Variants in CNIH1 observed in about 807,000 individuals in gnomAD.
CNIH1 encodes the protein cornichon family member 1.
CNIH1 carries 12 observed loss-of-function variants against 20.2 expected under a neutral mutation model. That is an observed-to-expected ratio of 0.59 (90% confidence interval 0.38 to 0.96). The LOEUF is 0.96. Among genes scored for constraint, CNIH1 ranks in the 40% least tolerant of loss-of-function variants. CNIH1 has a pLI of 0.00. For missense variants in CNIH1, 152 were observed against 178.8 expected, an observed-to-expected ratio of 0.85 and a Z score of 0.85; for synonymous variants, 69 against 63.3, an observed-to-expected ratio of 1.09 and a Z score of -0.43.
At chr14:54,430,142 T>C in intron 4 of CNIH1, 119 bp downstream of exon 4, 2 of 1,074,794 alleles carry the variant, frequency 1.9e-6, no homozygotes, top group Admixed American at 4.3e-5. Flanking sequence ...GTGTGCACCA[T>C]GCACACTTAA....
intron 2 of CNIH1, among the ~76,000 whole-genome samples, chr14:54,433,739 T>A (rs936257034): frequency 1.3e-5 from 2 of 152,126 alleles, no homozygotes; most frequent in Non-Finnish European, 2.9e-5. Flanking sequence ...AAACAAATCC[T>A]CATGCAAGGT....
chr14:54,437,791 T>C (rs2031084514), intron 1 of CNIH1, among the ~76,000 whole-genome samples: 1 of 152,222 alleles, frequency 6.6e-6, no homozygotes, highest in African/African-American at 2.4e-5. Context: ...TGATTACTTA[T>C]GGACGTTATT....
intron 1 of CNIH1, among the ~76,000 whole-genome samples, chr14:54,440,887 C>G (rs1029489500): frequency 2.6e-5 from 4 of 152,224 alleles, no homozygotes; most frequent in African/African-American, 9.6e-5. Flanking sequence ...TACGGCCGTC[C>G]CACCGCGCTG....
chr14:54,426,550 A>G lies in CNIH1; in HGVS notation c.*1264T>C, dbSNP rs899842589. ...TAAAGCACAAGATTTATTTATGCTT[A>G]TGAAAACATGCAAGCCATAATTTAC... is the stretch of plus-strand genomic sequence containing the variant. On this transcript the variant is annotated 3_prime_UTR_variant, in exon 5 of 5. Transcript: ENST00000216416. 2.0e-5 allele frequency: 3 copies of G among 152,200 alleles called. No homozygotes were observed. The highest frequency in any genetic ancestry group is 4.4e-5 in the Non-Finnish European group (3 of 68,012). 9.4% of individuals were successfully genotyped at this position (152,200 alleles called of 1,614,324 possible).
Position 54,425,269 on chromosome 14 carries a change from A to G in CNIH1, c.*2545T>C, listed in dbSNP as rs2030803558. The G allele has an allele frequency of 2.6e-5, 4 of 152,206 alleles. No individual in the cohort carries two copies. Among genetic ancestry groups the G allele is most frequent in the Admixed American group, 2.6e-4 (4 of 15,280 alleles). The allele number at this position is 152,206 out of a possible 1,614,324, so 9.4% of individuals were successfully genotyped here. A position where few individuals can be genotyped will look rare whatever the true frequency, so the allele number is the denominator to read the frequency against. The stretch of plus-strand genomic sequence containing the variant: ...ACAAAAAGTTGTTGGTATAGATATA[A>G]CCACAGTGTTACACAAGATGCAATA... On this transcript the variant is annotated 3_prime_UTR_variant, in exon 5 of 5. Transcript: ENST00000216416.
At chr14:54,436,186 C>A in intron 2 of CNIH1, 183 bp downstream of exon 2, 1 of 706,714 alleles carries the variant, frequency 1.4e-6, no homozygotes, top group Non-Finnish European at 2.6e-6. Flanking sequence ...CTGACAAGAT[C>A]ACCAGCAGAT....
intron 1 of CNIH1, among the ~76,000 whole-genome samples, chr14:54,438,118 T>C (rs1288877530): frequency 6.6e-6 from 1 of 152,064 alleles, no homozygotes; most frequent in South Asian, 2.1e-4. Context: ...TAGCTGGGAC[T>C]ACAGGTGCAT....
intron 4 of CNIH1, chr14:54,430,052 C>A: frequency 1.9e-6 from 1 of 537,714 alleles, no homozygotes; most frequent in Non-Finnish European, 3.3e-6. Flanking sequence ...CTGACCAAAC[C>A]TTCTGCCTCT....
At chr14:54,434,573 A>T (rs1367266088) in intron 2 of CNIH1, among the ~76,000 whole-genome samples, 1 of 152,210 alleles carries the variant, frequency 6.6e-6, no homozygotes, top group Non-Finnish European at 1.5e-5. Context: ...CAGGATTGTC[A>T]TGAGAATTAA....
chr14:54,441,228 C>T lies in CNIH1; in HGVS notation c.81+19G>A, dbSNP rs184957203. On this transcript the variant is annotated intron_variant, in intron 1 of 4. Transcript: ENST00000216416. ...TGTGTTGCCGCCTCGCCCTCCTTTC[C>T]CCAGCCCCAGCTACTCACGTGCCAA... is the stretch of plus-strand genomic sequence containing the variant. 2.3e-5 allele frequency: 34 copies of T among 1,501,558 alleles called. No homozygotes were observed. The highest frequency in any genetic ancestry group is 2.7e-5 in the Non-Finnish European group (30 of 1,122,832). The allele number at this position is 1,501,558 out of a possible 1,614,324, so 93.0% of individuals were successfully genotyped here.
At position 54,427,003 on chromosome 14, in the gene CNIH1, G is replaced by C. The variant is rs972825176; in HGVS notation, c.*811C>G. The C allele has an allele frequency of 3.9e-5, 6 of 152,098 alleles. No individual in the cohort carries two copies. The highest frequency in any genetic ancestry group is 6.5e-5 in the Admixed American group (1 of 15,274). 9.4% of individuals were successfully genotyped at this position (152,098 alleles called of 1,614,324 possible). ...TGGTTATACAATTTTCTCTCATTCAGTTTTGAAAATCTGTAGTACCTGCAA... is the reference window on the plus strand; with the variant it reads ...TGGTTATACAATTTTCTCTCATTCACTTTTGAAAATCTGTAGTACCTGCAA... On this transcript the variant is annotated 3_prime_UTR_variant, in exon 5 of 5. Transcript: ENST00000216416.
rs1167044478 is a variant in CNIH1 at position 54,441,341 on chromosome 14, GA to G, written c.-15del. On this transcript the variant is annotated 5_prime_UTR_variant, in exon 1 of 5. Transcript: ENST00000216416. ...CGTGAACGCCATGGCTGGGGAGGAG[GA>G]GCGGGGAGCGGCGCCGTTGCCAGCG... is the stretch of plus-strand genomic sequence containing the variant. 3 of 1,491,182 alleles carry G rather than the reference GA, an allele frequency of 2.0e-6. No individual in the cohort carries two copies. Among genetic ancestry groups the G allele is most frequent in the Non-Finnish European group, 2.7e-6 (3 of 1,112,074 alleles). 92.4% of individuals were successfully genotyped at this position (1,491,182 alleles called of 1,614,324 possible). A position where few individuals can be genotyped will look rare whatever the true frequency, so the allele number is the denominator to read the frequency against.
At chr14:54,435,715 G>A (rs2031041486) in intron 2 of CNIH1, among the ~76,000 whole-genome samples, 1 of 152,030 alleles carries the variant, frequency 6.6e-6, no homozygotes, top group Non-Finnish European at 1.5e-5. Context: ...AACTAGATAT[G>A]GCAGATAAGT....
intron 4 of CNIH1, among the ~76,000 whole-genome samples, chr14:54,428,058 A>C (rs1173017742): frequency 1.3e-5 from 2 of 152,076 alleles, no homozygotes; most frequent in Middle Eastern, 3.2e-3. Flanking sequence ...TTCCCTTCCA[A>C]TTTTAGCAAG....
At position 54,424,477 on chromosome 14, in the gene CNIH1, C is replaced by T. The variant is rs2030787397; in HGVS notation, c.*3337G>A. 3.3e-5 allele frequency: 5 copies of T among 152,146 alleles called. No homozygotes were observed. 9.4% of individuals were successfully genotyped at this position (152,146 alleles called of 1,614,324 possible). On this transcript the variant is annotated 3_prime_UTR_variant, in exon 5 of 5. Transcript: ENST00000216416. ...GCTTGATACACTGCTAGGATATAAC[C>T]ACACCTAAGGTGAAAGCTCACCCCT...
chr14:54,436,311 C>T, intron 2 of CNIH1, 58 bp downstream of exon 2: 1 of 1,016,128 alleles, frequency 9.8e-7, no homozygotes, highest in East Asian at 2.5e-5. Flanking sequence ...CAAATTACTT[C>T]AAGTTAAAAA....
chr14:54,436,727 C>T (rs1265585840), intron 1 of CNIH1: 2 of 497,052 alleles, frequency 4.0e-6, no homozygotes, highest in African/African-American at 2.0e-5. Context: ...TATCTCTACT[C>T]GAAATAATCT....
Position 54,423,746 on chromosome 14 carries a change from C to T in CNIH1, c.*4068G>A, listed in dbSNP as rs1430404509. 1 of 152,080 alleles carries T rather than the reference C, an allele frequency of 6.6e-6. No homozygotes were observed. The highest frequency in any genetic ancestry group is 1.5e-5 in the Non-Finnish European group (1 of 68,020). 9.4% of individuals were successfully genotyped at this position (152,080 alleles called of 1,614,324 possible). On this transcript the variant is annotated 3_prime_UTR_variant, in exon 5 of 5. Coordinates refer to ENST00000216416, the MANE Select transcript of CNIH1 (RefSeq NM_005776.3). ...TTCTCTTAGTAGTTTTAGGGTCTGC[C>T]CAGTAATCAAGAAATTTTACTTCTC...
At chr14:54,433,565 A>G (rs889603526) in intron 2 of CNIH1, among the ~76,000 whole-genome samples, 2 of 152,244 alleles carry the variant, frequency 1.3e-5, no homozygotes, top group African/African-American at 2.4e-5. Context: ...GAAAAGGGCC[A>G]TAGGACTCTG....
Sources: allele counts gnomAD v4.1 joint callset (sites outside exome capture counted in the v4.1 genomes callset), GRCh38; gene constraint gnomAD v4.1.1; transcripts MANE v1.5; gene names NCBI Gene and HGNC (gene_info 2026-07-23, HGNC 2026-07-21).